The following CTNND2 variants were observed in gnomAD, a reference collection of about 807,000 sequenced individuals.
The protein encoded by CTNND2 is catenin delta 2, also known as catenin delta-2.
A neutral mutation model predicts 144.4 loss-of-function variants in CTNND2; 22 were observed. The ratio of observed to expected loss-of-function variants is 0.15; its 90% CI spans 0.11 to 0.22. The LOEUF (loss-of-function observed/expected upper bound fraction) is 0.22, where lower values mean the gene tolerates loss of function less well. Ranked by LOEUF, CTNND2 falls within the 10% of genes least tolerant of loss-of-function variation. The pLI is 1.00. For missense variants in CTNND2, 1,353 were observed against 1,618.8 expected, an observed-to-expected ratio of 0.84 and a Z score of 2.82; for synonymous variants, 751 against 695.6, an observed-to-expected ratio of 1.08 and a Z score of -1.25.
At chr5:11,517,391 T>C (rs1486799302) in intron 3 of CTNND2, among the ~76,000 whole-genome samples, 1 of 152,206 alleles carries the variant, frequency 6.6e-6, no homozygotes, top group African/African-American at 2.4e-5. Context: ...TAAATTCTTC[T>C]CTCTACAATA....
At chr5:11,579,147 CTTT>C (rs57335413) in intron 2 of CTNND2, among the ~76,000 whole-genome samples, 107 of 137,712 alleles carry the variant, frequency 7.8e-4, no homozygotes, top group African/African-American at 2.7e-3. Context: ...AGTTCCTTTC[CTTT>C]TTTTTTTTTT....
intron 11 of CTNND2, among the ~76,000 whole-genome samples, chr5:11,183,915 C>T (rs1735364848): frequency 6.6e-6 from 1 of 152,106 alleles, no homozygotes; most frequent in Admixed American, 6.6e-5. Flanking sequence ...CTCTGTCCCT[C>T]CCTCTTTCTC....
chr5:11,493,768 A>G (rs930677998), intron 3 of CTNND2, among the ~76,000 whole-genome samples: 2 of 152,094 alleles, frequency 1.3e-5, no homozygotes, highest in Non-Finnish European at 2.9e-5. Context: ...ATCAGAATCA[A>G]TGAGGTTTTA....
chr5:11,565,021 C>T lies in CTNND2; in HGVS notation c.210G>A (p.Glu70=). 1.9e-6 allele frequency: 3 copies of T among 1,614,126 alleles called. No individual in the cohort carries two copies. The highest frequency in any genetic ancestry group is 2.5e-6 in the Non-Finnish European group (3 of 1,179,972). ...LQFERLTREL[E]AERQIVASQL... is the part of the protein sequence containing the mutation. ...GGCTGGCTACGATCTGCCGTTCAGC[C>T]TCCAGCTCTCGGGTCAGCCTTTCAA... The change falls in exon 3 of 22, where the codon GAG becomes GAA. Residue 70 remains glutamate, a synonymous_variant. Transcript: ENST00000304623.
chr5:11,646,955 A>ATC (rs2126523779), intron 2 of CTNND2, among the ~76,000 whole-genome samples: 1 of 152,300 alleles, frequency 6.6e-6, no homozygotes, highest in Non-Finnish European at 1.5e-5. Flanking sequence ...CAAAACAGCC[A>ATC]CACATTCTCA....
At position 11,110,192 on chromosome 5, in the gene CTNND2, G is replaced by A. The variant is rs566582022; in HGVS notation, c.2463+666C>T. Reference sequence around the variant, plus strand: ...CTGTTCTGATGCATCAGGGTTGTGAGTTGCTGCCTAGCGGCCTTCGTTTTG... The same window carrying A: ...CTGTTCTGATGCATCAGGGTTGTGAATTGCTGCCTAGCGGCCTTCGTTTTG... On this transcript the variant is annotated intron_variant, in intron 14 of 21. Coordinates refer to ENST00000304623, the MANE Select transcript of CTNND2 (RefSeq NM_001332.4). Among the ~76,000 whole-genome samples the A allele has an allele frequency of 5.9e-5, 9 of 152,276 alleles. No individual in the cohort carries two copies. The South Asian group carries it at 1.0e-3, about 18-fold the overall frequency.
At chr5:11,083,820 C>A (rs937371865) in intron 15 of CTNND2, 7 of 962,562 alleles carry the variant, frequency 7.3e-6, no homozygotes, top group Non-Finnish European at 8.9e-6. Context: ...CCAGTCCCCC[C>A]ACCAGGCCAC....
At chr5:11,698,442 C>T (rs1002842357) in intron 2 of CTNND2, among the ~76,000 whole-genome samples, 5 of 152,046 alleles carry the variant, frequency 3.3e-5, no homozygotes, top group African/African-American at 1.2e-4. Context: ...GCATGCGCCA[C>T]CACGTCCAGC....
chr5:11,361,131 C>T (rs1276956221), intron 8 of CTNND2, among the ~76,000 whole-genome samples: 2 of 152,158 alleles, frequency 1.3e-5, no homozygotes, highest in African/African-American at 4.8e-5. Flanking sequence ...AGTGATTCTC[C>T]TGCCTCAGCA....
At chr5:11,702,150 C>T (rs1785467029) in intron 2 of CTNND2, among the ~76,000 whole-genome samples, 1 of 152,140 alleles carries the variant, frequency 6.6e-6, no homozygotes, top group African/African-American at 2.4e-5. Flanking sequence ...AACCTAGAGA[C>T]ATACAGGCAA....
chr5:11,766,707 T>TG (rs977327318), intron 1 of CTNND2, among the ~76,000 whole-genome samples: 118 of 152,286 alleles, frequency 7.7e-4, no homozygotes, highest in African/African-American at 2.8e-3. Flanking sequence ...ACCAGGGTGG[T>TG]GCTGGGAGTC....
At chr5:11,378,823 T>C (rs1453623562) in intron 7 of CTNND2, among the ~76,000 whole-genome samples, 2 of 152,164 alleles carry the variant, frequency 1.3e-5, no homozygotes, top group Non-Finnish European at 2.9e-5. Flanking sequence ...CCTGGAAGCC[T>C]TAATCAGTCA....
chr5:11,790,867 G>T (rs1791093866), intron 1 of CTNND2, among the ~76,000 whole-genome samples: 1 of 152,196 alleles, frequency 6.6e-6, no homozygotes, highest in Non-Finnish European at 1.5e-5. Context: ...GTATTCCCCA[G>T]ATAGATACGT....
chr5:11,569,602 C>T (rs1000591512), intron 2 of CTNND2, among the ~76,000 whole-genome samples: 1 of 152,034 alleles, frequency 6.6e-6, no homozygotes, highest in African/African-American at 2.4e-5. Flanking sequence ...AATCAGAAAA[C>T]TCATCGCCAT....
intron 11 of CTNND2, among the ~76,000 whole-genome samples, chr5:11,186,978 G>C (rs933781671): frequency 1.3e-5 from 2 of 152,148 alleles, no homozygotes; most frequent in African/African-American, 4.8e-5. Flanking sequence ...GTAAGTGTGG[G>C]TGTTCGTAAA....
intron 5 of CTNND2, among the ~76,000 whole-genome samples, chr5:11,408,164 A>G (rs1375306099): frequency 2.6e-5 from 4 of 152,082 alleles, no homozygotes; most frequent in Admixed American, 2.0e-4. Flanking sequence ...TGTTCCCTTA[A>G]TCTTGCCCAC....
chr5:11,662,653 T>C (rs537890404), intron 2 of CTNND2, among the ~76,000 whole-genome samples: 1 of 152,048 alleles, frequency 6.6e-6, no homozygotes, highest in East Asian at 1.9e-4. Flanking sequence ...ATCAATACCT[T>C]ACATCCTTCG....
chr5:10,989,708 T>C (rs1738446263), intron 19 of CTNND2, among the ~76,000 whole-genome samples: 1 of 152,212 alleles, frequency 6.6e-6, no homozygotes, highest in Non-Finnish European at 1.5e-5. Context: ...ATTCCTGTGC[T>C]AGCCACTGTG....
chr5:11,116,382 CAT>C (rs1753549330), intron 13 of CTNND2, among the ~76,000 whole-genome samples: 1 of 152,214 alleles, frequency 6.6e-6, no homozygotes, highest in African/African-American at 2.4e-5. Context: ...AAGACAGTCA[CAT>C]GACAAAGAAT....
Sources: allele counts gnomAD v4.1 joint callset (sites outside exome capture counted in the v4.1 genomes callset), GRCh38; gene constraint gnomAD v4.1.1; transcripts MANE v1.5; gene names NCBI Gene and HGNC (gene_info 2026-07-23, HGNC 2026-07-21).